The following PARD3B variants were observed in gnomAD, a reference collection of about 807,000 sequenced individuals.
PARD3B encodes the protein par-3 family cell polarity regulator beta.
Under a neutral mutation model 130.2 loss-of-function variants are expected in PARD3B, and 103 were observed. The observed-to-expected ratio is 0.79, with a 90% CI of 0.67 to 0.93. The LOEUF is 0.93. Among genes scored for constraint, PARD3B ranks in the 40% least tolerant of loss-of-function variants. PARD3B has a pLI of 0.00. For synonymous variants in PARD3B, 583 were observed against 553.2 expected (o/e 1.05, Z -0.76); for missense variants, 1,609 against 1,499.2 (o/e 1.07, Z -1.21).
intron 18 of PARD3B, among the ~76,000 whole-genome samples, chr2:205,360,827 C>T (rs2044361800): frequency 6.6e-6 from 1 of 152,208 alleles, no homozygotes; most frequent in East Asian, 1.9e-4. Flanking sequence ...ACACGGAAAG[C>T]ACTGTTTTTG....
In PARD3B at chr2:205,125,537, C is replaced by T; in HGVS notation, c.1306-72C>T. 6.6e-7 allele frequency: 1 copy of T among 1,522,368 alleles called. No individual in the cohort carries two copies. The allele number at this position is 1,522,368 out of a possible 1,614,324, so 94.3% of individuals were successfully genotyped here. On this transcript the variant is annotated intron_variant, in intron 9 of 22. Coordinates refer to ENST00000406610, the MANE Select transcript of PARD3B (RefSeq NM_001302769.2). The surrounding 1 kb of genome is among the most constrained non-coding windows in gnomAD (Gnocchi z 4.0). ...TGGGAGCCCATTTGCTTCTTGTTTT[C>T]AAAAACTATCTAGTGTAGAAGGAGA...
intron 10 of PARD3B, among the ~76,000 whole-genome samples, chr2:205,138,742 G>A (rs990427290): frequency 6.6e-6 from 1 of 152,190 alleles, no homozygotes; most frequent in Admixed American, 6.5e-5. Flanking sequence ...TGGGCTGCAT[G>A]AATTCTCTTC....
intron 21 of PARD3B, among the ~76,000 whole-genome samples, chr2:205,515,161 A>G (rs1372779606): frequency 1.4e-5 from 2 of 142,200 alleles, no homozygotes; most frequent in Non-Finnish European, 3.1e-5. Context: ...TTGTTTGCAC[A>G]AAAGACATGA....
rs558892992 is a variant in PARD3B, at chr2:205,224,288, G to A, written c.2141-21490G>A. On this transcript the variant is annotated intron_variant, in intron 15 of 22. Transcript: ENST00000406610. ...CGGGAGGCTGAGGCAGGAGAATGGT[G>A]TGAGCCCAGGAGGTGGAGCTTGCAG... Among the ~76,000 whole-genome samples, 777 of 124,216 alleles carry A rather than the reference G, an allele frequency of 6.3e-3. 18 individuals are homozygous for A. The highest frequency in any genetic ancestry group is 0.022 in the African/African-American group (715 of 32,534). 81.5% of individuals were successfully genotyped at this position (124,216 alleles called of 152,430 possible).
rs1233311761 is a variant in PARD3B, at chr2:204,545,713, GGGA to G, written c.-270_-268del. On this transcript the variant is annotated 5_prime_UTR_variant, in exon 1 of 23. Coordinates refer to ENST00000406610, the MANE Select transcript of PARD3B (RefSeq NM_001302769.2). ...GCCTGGGCCGGGCAGGAGTAGGAGC[GGGA>G]GGAGGAGGAGGAGGAGCCGGTGCCG... 1,473 of 217,694 alleles carry G rather than the reference GGGA, an allele frequency of 6.8e-3. 2 individuals carry two copies. The highest frequency in any genetic ancestry group is 0.028 in the African/African-American group (592 of 20,866). 13.5% of individuals were successfully genotyped at this position (217,694 alleles called of 1,614,324 possible). A position where few individuals can be genotyped will look rare whatever the true frequency, so the allele number is the denominator to read the frequency against.
In PARD3B at chr2:205,546,116, T is replaced by C. The variant is rs532278710; in HGVS notation, c.3181-7208T>C. Reference sequence around the variant, plus strand: ...TCCCATGGACTAAAAGCACCTTAATTCAACATTCCTTCCAAACACCAAGCC... The same window carrying C: ...TCCCATGGACTAAAAGCACCTTAATCCAACATTCCTTCCAAACACCAAGCC... On this transcript the variant is annotated intron_variant, in intron 21 of 22. Transcript: ENST00000406610. 3.3e-5 allele frequency among the ~76,000 whole-genome samples: 5 copies of C among 152,296 alleles called. No homozygotes were observed. The South Asian group carries it at 1.0e-3, about 32-fold the overall frequency.
At position 204,838,596 on chromosome 2, in the gene PARD3B, G is replaced by C. The variant is rs981888210; in HGVS notation, c.223-126556G>C. Among the ~76,000 whole-genome samples the C allele has an allele frequency of 2.1e-4, 32 of 152,066 alleles. 2 individuals carry two copies. The stretch of plus-strand genomic sequence containing the variant: ...GTATGCTGTGCAGGGCCATTTTTGA[G>C]CTATGGGTACACATATACAGTGTGA... On this transcript the variant is annotated intron_variant, in intron 2 of 22. Transcript: ENST00000406610.
At chr2:205,180,482 T>G (rs1029855000) in intron 13 of PARD3B, among the ~76,000 whole-genome samples, 14 of 152,122 alleles carry the variant, frequency 9.2e-5, no homozygotes, top group Non-Finnish European at 4.4e-5. Flanking sequence ...GAATGTTGAT[T>G]GCCACTACCA....
At chr2:205,047,724 G>A in intron 4 of PARD3B, 34 bp downstream of exon 4, 1 of 1,442,966 alleles carries the variant, frequency 6.9e-7, no homozygotes, top group Non-Finnish European at 9.5e-7. Context: ...TCTAATGAAA[G>A]ATCAAAGTGC....
chr2:205,238,884 GTGTATATA>G (rs1429390150), intron 15 of PARD3B, among the ~76,000 whole-genome samples: 1 of 75,278 alleles, frequency 1.3e-5, no homozygotes, highest in African/African-American at 5.7e-5. Flanking sequence ...ATATGTATGT[GTGTATATA>G]TATATATATA....
intron 15 of PARD3B, among the ~76,000 whole-genome samples, chr2:205,211,265 G>T (rs989046001): frequency 6.6e-5 from 10 of 152,002 alleles, no homozygotes; most frequent in African/African-American, 2.4e-4. Context: ...TTATAAGACT[G>T]AAAAGTGCTT....
chr2:205,546,434 C>T (rs1427061464), intron 21 of PARD3B, among the ~76,000 whole-genome samples: 4 of 151,672 alleles, frequency 2.6e-5, no homozygotes, highest in Non-Finnish European at 5.9e-5. Context: ...TGCATGATAC[C>T]AAGTAAGATA....
intron 18 of PARD3B, among the ~76,000 whole-genome samples, chr2:205,358,380 G>C (rs566253322): frequency 6.6e-6 from 1 of 152,278 alleles, no homozygotes; most frequent in Admixed American, 6.5e-5. Context: ...TCATAAAGCG[G>C]CTAGATGCTC....
At chr2:204,892,172 A>T (rs2046473201) in intron 2 of PARD3B, among the ~76,000 whole-genome samples, 2 of 152,172 alleles carry the variant, frequency 1.3e-5, no homozygotes, top group South Asian at 2.1e-4. Flanking sequence ...ATGAAGGTGC[A>T]ATCAAGGTGG....
intron 16 of PARD3B, among the ~76,000 whole-genome samples, chr2:205,272,792 A>C (rs2040782500): frequency 6.6e-6 from 1 of 152,220 alleles, no homozygotes; most frequent in East Asian, 1.9e-4. Flanking sequence ...AGCTGTCCAA[A>C]AACTTAACCT....
At chr2:204,873,979 C>T (rs1389562082) in intron 2 of PARD3B, among the ~76,000 whole-genome samples, 1 of 151,988 alleles carries the variant, frequency 6.6e-6, no homozygotes, top group Non-Finnish European at 1.5e-5. Context: ...CCCATCTCTA[C>T]TAAAAATACA....
At chr2:204,565,469 A>G (rs774444071) in intron 1 of PARD3B, among the ~76,000 whole-genome samples, 9 of 152,308 alleles carry the variant, frequency 5.9e-5, no homozygotes, top group East Asian at 1.9e-4. Context: ...TTTGGAAACT[A>G]TTAGTTCACT....
intron 19 of PARD3B, among the ~76,000 whole-genome samples, chr2:205,402,918 C>T (rs1307466133): frequency 2.6e-5 from 4 of 152,056 alleles, no homozygotes; most frequent in Non-Finnish European, 5.9e-5. Context: ...GAATTAATGA[C>T]CAAAGGCATT....
Position 205,105,352 on chromosome 2 carries a change from C to T in PARD3B, c.593+838C>T, listed in dbSNP as rs764605877. On this transcript the variant is annotated intron_variant, in intron 5 of 22. Coordinates refer to ENST00000406610, the MANE Select transcript of PARD3B (RefSeq NM_001302769.2). This position sits in a 1 kb window ranked among gnomAD's most constrained non-coding sequence, Gnocchi z 4.0. The stretch of plus-strand genomic sequence containing the variant: ...TCATCTCTATTATTGTTCTAATCAT[C>T]ATTTTGTTTAACGCACTTCAAATTT... Among the ~76,000 whole-genome samples the T allele has an allele frequency of 6.6e-6, 1 of 152,118 alleles. No homozygotes were observed. The highest frequency in any genetic ancestry group is 2.4e-5 in the African/African-American group (1 of 41,422).
Sources: allele counts gnomAD v4.1 joint callset (sites outside exome capture counted in the v4.1 genomes callset), GRCh38; gene constraint gnomAD v4.1.1; non-coding constraint Gnocchi (gnomAD v3.1); transcripts MANE v1.5; gene names NCBI Gene and HGNC (gene_info 2026-07-23, HGNC 2026-07-21).